CDH4: variants seen among roughly 807,000 people sequenced by gnomAD.
The protein encoded by CDH4 is cadherin 4, also known as cadherin-4.
In CDH4, 33 loss-of-function variants were observed where a neutral mutation model predicts 86.0. The observed-to-expected ratio is 0.38, with a 90% CI of 0.29 to 0.51. The LOEUF (loss-of-function observed/expected upper bound fraction) is 0.51, where lower values mean the gene tolerates loss of function less well. Ranked by LOEUF, CDH4 falls within the 20% of genes least tolerant of loss-of-function variation. The pLI is 0.86. For missense variants in CDH4, 1,114 were observed against 1,307.4 expected (o/e 0.85, Z 2.28); for synonymous variants, 555 against 549.4 (o/e 1.01, Z -0.14).
At chr20:61,791,053 G>C (rs367972877) in intron 4 of CDH4, among the ~76,000 whole-genome samples, 139 of 151,808 alleles carry the variant, frequency 9.2e-4, no homozygotes, top group African/African-American at 2.7e-3. Context: ...ACAGCACCCA[G>C]CTCCAGCTAC....
rs1286042100 is a variant in CDH4 at position 61,492,167 on chromosome 20, CGATATTGTTGATATTGGTGGTGTT to C, written c.169+237282_169+237305del. Among the ~76,000 whole-genome samples, 294 of 129,642 alleles carry C rather than the reference CGATATTGTTGATATTGGTGGTGTT, an allele frequency of 2.3e-3. 1 individual carries two copies. Among genetic ancestry groups the C allele is most frequent in the South Asian group, 8.4e-3 (33 of 3,948 alleles). 85.1% of individuals were successfully genotyped at this position (129,642 alleles called of 152,430 possible). ...TCGATATTGCTGATGTTGTTGGTGT[CGATATTGTTGATATTGGTGGTGTT>C]GATATTGTTGATATTGGTGGTGTTG... On this transcript the variant is annotated intron_variant, in intron 2 of 15. Transcript: ENST00000614565.
At chr20:61,855,714 G>A (rs911559155) in intron 6 of CDH4, among the ~76,000 whole-genome samples, 3 of 152,234 alleles carry the variant, frequency 2.0e-5, no homozygotes, top group South Asian at 2.1e-4. Context: ...ACGTGGCCCC[G>A]TAAGTCCACG....
At chr20:61,310,376 T>A (rs1370197772) in intron 2 of CDH4, among the ~76,000 whole-genome samples, 14 of 152,176 alleles carry the variant, frequency 9.2e-5, no homozygotes, top group Non-Finnish European at 1.5e-5. Flanking sequence ...GGAGGATAAC[T>A]ATTTTATGGA....
At chr20:61,654,836 T>C (rs2087169349) in intron 2 of CDH4, among the ~76,000 whole-genome samples, 2 of 152,218 alleles carry the variant, frequency 1.3e-5, no homozygotes, top group Non-Finnish European at 2.9e-5. Flanking sequence ...GGGGCCACGC[T>C]GCAGCCCGGG....
At chr20:61,874,958 C>T (rs1045272921) in intron 7 of CDH4, among the ~76,000 whole-genome samples, 49 of 152,166 alleles carry the variant, frequency 3.2e-4, no homozygotes, top group African/African-American at 1.2e-3. Flanking sequence ...TCCAAGTTGG[C>T]GGCTTCTGAG....
intron 8 of CDH4, among the ~76,000 whole-genome samples, chr20:61,900,672 G>GC (rs1164568094): frequency 1.3e-5 from 2 of 152,174 alleles, no homozygotes; most frequent in Non-Finnish European, 2.9e-5. Context: ...CAGCCGCGGT[G>GC]CTTCCGCCAG....
At chr20:61,845,174 C>T (rs1982382541) in intron 5 of CDH4, among the ~76,000 whole-genome samples, 1 of 152,234 alleles carries the variant, frequency 6.6e-6, no homozygotes, top group African/African-American at 2.4e-5. Flanking sequence ...GAGTCAGGGT[C>T]ACCAGCTGCG....
rs1048032891 is a variant in CDH4, at chr20:61,252,948, C to A, written c.57+378C>A. On this transcript the variant is annotated intron_variant, in intron 1 of 15. Transcript: ENST00000614565. The surrounding 1 kb of genome is among the most constrained non-coding windows in gnomAD (Gnocchi z 4.4). ...CGGCGCGCCCTCCATCGCCCGGGAGCCGCGCGCCGCGGGAGTTGCCGAGCC... is the reference window on the plus strand; with the variant it reads ...CGGCGCGCCCTCCATCGCCCGGGAGACGCGCGCCGCGGGAGTTGCCGAGCC... Among the ~76,000 whole-genome samples, 3 of 151,778 alleles carry A rather than the reference C, an allele frequency of 2.0e-5. No individual in the cohort carries two copies. The highest frequency in any genetic ancestry group is 4.4e-5 in the Non-Finnish European group (3 of 67,904).
intron 2 of CDH4, among the ~76,000 whole-genome samples, chr20:61,304,447 T>C (rs1473446432): frequency 6.6e-6 from 1 of 152,198 alleles, no homozygotes; most frequent in Non-Finnish European, 1.5e-5. Context: ...CTCTAAACGA[T>C]GAGCCCCTGG....
chr20:61,526,669 C>G (rs2085913324), intron 2 of CDH4, among the ~76,000 whole-genome samples: 1 of 134,476 alleles, frequency 7.4e-6, no homozygotes. Flanking sequence ...CCATCCCTGG[C>G]TTTTTAAAAA....
At chr20:61,924,088 C>T (rs1423398101) in intron 10 of CDH4, among the ~76,000 whole-genome samples, 2 of 152,232 alleles carry the variant, frequency 1.3e-5, no homozygotes, top group South Asian at 2.1e-4. Context: ...GTTGAGACCA[C>T]CCACTACTGG....
intron 2 of CDH4, among the ~76,000 whole-genome samples, chr20:61,270,795 T>C (rs2084179341): frequency 6.6e-6 from 1 of 152,180 alleles, no homozygotes; most frequent in Non-Finnish European, 1.5e-5. Context: ...TTCAAGTGTT[T>C]TTTTGTCATG....
intron 4 of CDH4, among the ~76,000 whole-genome samples, chr20:61,818,194 A>G (rs889359157): frequency 4.0e-5 from 6 of 151,858 alleles, no homozygotes; most frequent in Admixed American, 6.6e-5. Flanking sequence ...TACGCCTCTT[A>G]TGTTTTGTAT....
chr20:61,890,167 G>T (rs1984750474), intron 7 of CDH4, among the ~76,000 whole-genome samples: 1 of 122,510 alleles, frequency 8.2e-6, no homozygotes, highest in Non-Finnish European at 1.7e-5. Flanking sequence ...ATGGGTGAAT[G>T]GATGGTTGGA....
At position 61,870,461 on chromosome 20, in the gene CDH4, C is replaced by G. The variant is rs183031349; in HGVS notation, c.878-3267C>G. 1.2e-3 allele frequency among the ~76,000 whole-genome samples: 184 copies of G among 152,242 alleles called. 3 individuals carry two copies. In the East Asian group the frequency reaches 0.029, roughly 24 times the overall value. On this transcript the variant is annotated intron_variant, in intron 6 of 15. Coordinates refer to ENST00000614565, the MANE Select transcript of CDH4 (RefSeq NM_001794.5). ...GCTGTGCTGCTTTCAGTGAGTACAA[C>G]AGACAGTGCCCGATCCCTTCTTCCC... is the stretch of plus-strand genomic sequence containing the variant.
At chr20:61,842,385 A>G (rs930629970) in intron 4 of CDH4, among the ~76,000 whole-genome samples, 1 of 152,208 alleles carries the variant, frequency 6.6e-6, no homozygotes, top group African/African-American at 2.4e-5. Context: ...AAGCTTCATA[A>G]AAACCGAGTG....
At chr20:61,892,067 T>C (rs538410571) in intron 7 of CDH4, among the ~76,000 whole-genome samples, 155 of 152,338 alleles carry the variant, frequency 1.0e-3, no homozygotes, top group African/African-American at 3.6e-3. Context: ...AAAGCAGCCA[T>C]AGATAATGTG....
chr20:61,418,040 T>C (rs1463641452), intron 2 of CDH4, among the ~76,000 whole-genome samples: 6 of 152,026 alleles, frequency 3.9e-5, no homozygotes, highest in Admixed American at 1.3e-4. Context: ...CACCTGCCTT[T>C]GCTCTTTTGC....
chr20:61,619,833 G>A (rs1281510976), intron 2 of CDH4, among the ~76,000 whole-genome samples: 1 of 152,260 alleles, frequency 6.6e-6, no homozygotes, highest in African/African-American at 2.4e-5. Context: ...ACTTGTCAGA[G>A]TTTGCAGCAA....
Sources: gnomAD v4.1 joint callset for allele counts (sites outside exome capture counted in the v4.1 genomes callset) on GRCh38, gnomAD v4.1.1 for gene constraint, Gnocchi (gnomAD v3.1) non-coding constraint, MANE v1.5 for transcripts, NCBI Gene and HGNC (gene_info 2026-07-23, HGNC 2026-07-21) for gene names.